Variants in WASHC2A observed in about 807,000 individuals in gnomAD.
The protein encoded by WASHC2A is WASH complex subunit FAM21A.
WASHC2A carries 82 observed loss-of-function variants against 140.3 expected under a neutral mutation model. That is an observed-to-expected ratio of 0.58 (90% confidence interval 0.49 to 0.70). The LOEUF is 0.70. WASHC2A is among the 30% of genes least tolerant of loss of function. The pLI is 0.00. For synonymous variants in WASHC2A, 340 were observed against 560.8 expected (o/e 0.61, Z 5.56); for missense variants, 985 against 1,521.8 (o/e 0.65, Z 5.87).
intron 17 of WASHC2A, among the ~76,000 whole-genome samples, chr10:50,101,116 G>A (rs1461837938): frequency 6.6e-6 from 1 of 152,310 alleles, no homozygotes; most frequent in Non-Finnish European, 1.5e-5. Context: ...TGCCCTTGAT[G>A]TAAAGAATAC....
chr10:50,132,153 AC>A (rs1844031349), intron 30 of WASHC2A, among the ~76,000 whole-genome samples: 1 of 152,220 alleles, frequency 6.6e-6, no homozygotes, highest in Admixed American at 6.5e-5. Context: ...TAGCCTGTTG[AC>A]GGCAATCTCA....
Position 50,129,425 on chromosome 10 carries a change from G to C in WASHC2A, c.3094G>C (p.Val1032Leu), listed in dbSNP as rs1843738205. 4 of 1,611,940 alleles carry C rather than the reference G, an allele frequency of 2.5e-6. No individual in the cohort carries two copies. The highest frequency in any genetic ancestry group is 3.4e-6 in the Non-Finnish European group (4 of 1,179,878). The change falls in exon 29 of 31, where the codon GTC (valine) becomes CTC (leucine). Residue 1032 changes from valine to leucine, a missense_variant. Val to Leu is a conservative substitution (Grantham distance 32, BLOSUM62 1). Transcript: ENST00000282633. ...DTLHSANKSR[V>L]KMRGKRRPQT... is the part of the protein sequence containing the mutation. ...TGTTTTTTTGCCATTGCAGAGCCGT[G>C]TCAAGATGAGAGGGAAGCGTAGACC...
At chr10:50,098,943 C>T (rs1179009895) in intron 16 of WASHC2A, among the ~76,000 whole-genome samples, 1 of 150,824 alleles carries the variant, frequency 6.6e-6, no homozygotes, top group Non-Finnish European at 1.5e-5. Flanking sequence ...AGGGTGCCCA[C>T]CACACTGCTT....
At chr10:50,084,760 A>G (rs1194035166) in intron 6 of WASHC2A, among the ~76,000 whole-genome samples, 2 of 137,116 alleles carry the variant, frequency 1.5e-5, no homozygotes, top group African/African-American at 2.8e-5. Context: ...TTTGAGCCGG[A>G]GTTTCTCTCT....
At chr10:50,116,631 A>G (rs1313966424) in intron 21 of WASHC2A, among the ~76,000 whole-genome samples, 4 of 150,810 alleles carry the variant, frequency 2.7e-5, no homozygotes, top group Non-Finnish European at 4.4e-5. Context: ...ATTTTTATGT[A>G]GTTTTCAGTG....
intron 3 of WASHC2A, among the ~76,000 whole-genome samples, chr10:50,073,277 T>C (rs1418342306): frequency 1.3e-5 from 2 of 151,972 alleles, no homozygotes; most frequent in Admixed American, 6.6e-5. Flanking sequence ...CTTAGCTTTG[T>C]AAAATTAAAA....
intron 8 of WASHC2A, among the ~76,000 whole-genome samples, chr10:50,088,039 G>A (rs1404086968): frequency 2.6e-5 from 4 of 151,646 alleles, no homozygotes; most frequent in South Asian, 2.1e-4. Flanking sequence ...GGCTGGTCTC[G>A]AGCTCCTGAC....
chr10:50,075,659 T>C (rs1452484443), intron 3 of WASHC2A, among the ~76,000 whole-genome samples: 1 of 149,326 alleles, frequency 6.7e-6, no homozygotes, highest in Non-Finnish European at 1.5e-5. Context: ...CTTTTCTTCA[T>C]TGACTATTAT....
chr10:50,068,771 C>G (rs1200750410), intron 2 of WASHC2A, among the ~76,000 whole-genome samples: 37 of 149,890 alleles, frequency 2.5e-4, no homozygotes, highest in Admixed American at 5.3e-4. Flanking sequence ...GGCTGGAGTG[C>G]AAGTGGCTTG....
Position 50,129,739 on chromosome 10 carries a change from T to C in WASHC2A, c.3408T>C (p.Phe1136=). The part of the protein sequence containing the change: ...EADLFDSGDI[F]STGTGSQSVE... Reference sequence around the variant, plus strand: ...ACCTTTTTGATTCTGGGGACATCTTTTCCACGGGCACTGGATCTCAGTCTG... The same window carrying C: ...ACCTTTTTGATTCTGGGGACATCTTCTCCACGGGCACTGGATCTCAGTCTG... Residue 1136 remains phenylalanine (F), a synonymous_variant, in exon 29 of 31, where the codon TTT becomes TTC. Coordinates refer to ENST00000282633, the MANE Select transcript of WASHC2A (RefSeq NM_001005751.3). 6.2e-7 allele frequency: 1 copy of C among 1,612,072 alleles called. No individual in the cohort carries two copies. Among genetic ancestry groups the C allele is most frequent in the Non-Finnish European group, 8.5e-7 (1 of 1,179,868 alleles).
In WASHC2A at chr10:50,125,455, A is replaced by C. The variant is rs1843347864; in HGVS notation, c.2688+6A>C. On this transcript the variant is annotated splice_donor_region_variant and intron_variant, in intron 25 of 30. Coordinates refer to ENST00000282633, the MANE Select transcript of WASHC2A (RefSeq NM_001005751.3). ...CTGCCAAGTCCCAGCCTTTGGTACC[A>C]GCCTTTTGTTCTCAATACTGGGTTG... The C allele has an allele frequency of 4.4e-6, 7 of 1,600,604 alleles. No homozygotes were observed. In the South Asian group the frequency reaches 6.7e-5, roughly 15 times the overall value.
At position 50,130,031 on chromosome 10, in the gene WASHC2A, A is replaced by G. The variant is rs779770152; in HGVS notation, c.3700A>G (p.Ile1234Val). The G allele has an allele frequency of 6.2e-7, 1 of 1,611,912 alleles. No individual in the cohort carries two copies. Among genetic ancestry groups the G allele is most frequent in the East Asian group, 2.2e-5 (1 of 44,872 alleles). ...GGATGTCATATTAACAACACAAGAT[A>G]TTTTTGAGGTAATAGGACTTAACAC... Reference protein sequence around the residue: ...QQDVILTTQDIFEDDIFATEA... With the variant: ...QQDVILTTQDVFEDDIFATEA... The change falls in exon 29 of 31, where the codon ATT (isoleucine) becomes GTT (valine). Residue 1234 changes from isoleucine (I) to valine (V), a missense_variant. Coordinates refer to ENST00000282633, the MANE Select transcript of WASHC2A (RefSeq NM_001005751.3).
intron 18 of WASHC2A, among the ~76,000 whole-genome samples, chr10:50,106,122 C>T (rs1219379641): frequency 7.3e-5 from 11 of 149,860 alleles, no homozygotes; most frequent in African/African-American, 2.5e-4. Context: ...GCTGTTCTGC[C>T]TTCGAGTTCT....
intron 17 of WASHC2A, among the ~76,000 whole-genome samples, chr10:50,103,723 AT>A (rs1190427904): frequency 6.6e-6 from 1 of 152,006 alleles, no homozygotes; most frequent in Non-Finnish European, 1.5e-5. Context: ...TTATATATTT[AT>A]TTTTTTAGCA....
rs1269423216 is a variant in WASHC2A at position 50,087,873 on chromosome 10, T to G, written c.732+551T>G. Among the ~76,000 whole-genome samples, 7 of 151,608 alleles carry G rather than the reference T, an allele frequency of 4.6e-5. No homozygotes were observed. The South Asian group carries it at 1.5e-3, about 32-fold the overall frequency. On this transcript the variant is annotated intron_variant, in intron 8 of 30. Transcript: ENST00000282633. ...TCTTGTTGTCCAGGCTGGAGTGCCGTGGCATGATCTCAGCTCACTGCAACC... is the reference window on the plus strand; with the variant it reads ...TCTTGTTGTCCAGGCTGGAGTGCCGGGGCATGATCTCAGCTCACTGCAACC...
chr10:50,068,379 C>T (rs1837488112), intron 2 of WASHC2A, 152 bp downstream of exon 2: 1 of 1,189,368 alleles, frequency 8.4e-7, no homozygotes, highest in Non-Finnish European at 1.1e-6. Context: ...AGAATGCCAC[C>T]CTGGCAGTCC....
In WASHC2A at chr10:50,132,966, G is replaced by A. The variant is rs377454296; in HGVS notation, c.*21G>A. 2.7e-4 allele frequency: 441 copies of A among 1,611,834 alleles called. 1 individual carries two copies. The highest frequency in any genetic ancestry group is 3.6e-4 in the Non-Finnish European group (423 of 1,179,736). ...AGTAGAGCACACAGGGTATCCACAT[G>A]TTACCCTGCAGCTACATTGTTGAGT... is the stretch of plus-strand genomic sequence containing the variant. On this transcript the variant is annotated 3_prime_UTR_variant, in exon 31 of 31. Transcript: ENST00000282633.
In WASHC2A at chr10:50,127,700, G is replaced by C; in HGVS notation, c.2992G>C (p.Gly998Arg). Residue 998 changes from glycine to arginine, a missense_variant, in exon 28 of 31, where the codon GGT (glycine) becomes CGT (arginine). Transcript: ENST00000282633. Reference protein sequence around the residue: ...FPSSEHRRSHGLESVPVLPGS... With the variant: ...FPSSEHRRSHRLESVPVLPGS... ...TTCATCTGAACACAGAAGGAGCCACGGTCTGGAAAGTGTGCCTGTCCTTCC... is the reference window on the plus strand; with the variant it reads ...TTCATCTGAACACAGAAGGAGCCACCGTCTGGAAAGTGTGCCTGTCCTTCC... 6.3e-7 allele frequency: 1 copy of C among 1,579,228 alleles called. No individual in the cohort carries two copies. Among genetic ancestry groups the C allele is most frequent in the Non-Finnish European group, 8.6e-7 (1 of 1,158,958 alleles).
intron 13 of WASHC2A, among the ~76,000 whole-genome samples, chr10:50,094,626 C>T (rs2132608057): frequency 6.6e-6 from 1 of 152,310 alleles, no homozygotes; most frequent in South Asian, 2.1e-4. Flanking sequence ...GGAGGCCGCT[C>T]CTTGTGCCTG....
Sources: allele counts gnomAD v4.1 joint callset (sites outside exome capture counted in the v4.1 genomes callset), GRCh38; gene constraint gnomAD v4.1.1; transcripts MANE v1.5; gene names NCBI Gene and HGNC (gene_info 2026-07-23, HGNC 2026-07-21).